Variants in DAB1 observed in about 807,000 individuals in gnomAD.
The protein encoded by DAB1 is DAB adaptor protein 1.
Under a neutral mutation model 64.6 loss-of-function variants are expected in DAB1, and 15 were observed. The observed-to-expected ratio is 0.23, with a 90% CI of 0.16 to 0.36. DAB1 has a LOEUF of 0.36. Ranked by LOEUF, DAB1 falls within the 10% of genes least tolerant of loss-of-function variation. The probability of loss-of-function intolerance (pLI) is 1.00; values close to 1 mark genes in which losing one functional copy is unlikely to be tolerated. For missense variants in DAB1, 596 were observed against 706.7 expected (o/e 0.84, Z 1.78); for synonymous variants, 235 against 251.9 (o/e 0.93, Z 0.64).
At chr1:58,346,917 A>T (rs1351295755) in intron 3 of DAB1, among the ~76,000 whole-genome samples, 3 of 152,228 alleles carry the variant, frequency 2.0e-5, no homozygotes, top group Non-Finnish European at 4.4e-5. Flanking sequence ...TTGCAATTCA[A>T]ACTTGACTCC....
At chr1:58,313,648 T>C (rs1662478818) in intron 4 of DAB1, among the ~76,000 whole-genome samples, 1 of 152,038 alleles carries the variant, frequency 6.6e-6, no homozygotes, top group South Asian at 2.1e-4. Context: ...GGTGTGTCAG[T>C]TGGTTTAGGC....
At chr1:57,895,706 A>G (rs1307399096) in intron 5 of DAB1, among the ~76,000 whole-genome samples, 1 of 152,218 alleles carries the variant, frequency 6.6e-6, no homozygotes, top group Admixed American at 6.5e-5. Flanking sequence ...ATCAGCTAAT[A>G]CTAAATACAG....
intron 2 of DAB1, among the ~76,000 whole-genome samples, chr1:57,260,501 A>C (rs116695539): frequency 0.017 from 2,567 of 152,338 alleles, 38 homozygotes; most frequent in South Asian, 0.024. Context: ...GCCACAAATC[A>C]AACATGAGTC....
chr1:57,126,907 C>A (rs1294279844), intron 4 of DAB1, among the ~76,000 whole-genome samples: 1 of 152,176 alleles, frequency 6.6e-6, no homozygotes, highest in African/African-American at 2.4e-5. Context: ...TTCACTATCT[C>A]TTCTCACTTT....
At chr1:58,249,804 G>T (rs2100401795) in intron 4 of DAB1, among the ~76,000 whole-genome samples, 1 of 152,262 alleles carries the variant, frequency 6.6e-6, no homozygotes, top group South Asian at 2.1e-4. Context: ...TTCCGCTTGG[G>T]GGGTTCCCAG....
intron 3 of DAB1, among the ~76,000 whole-genome samples, chr1:58,403,276 T>A (rs1644588571): frequency 6.8e-6 from 1 of 147,086 alleles, no homozygotes; most frequent in African/African-American, 2.5e-5. Context: ...CTAACCAAAA[T>A]AGTTATCTAT....
chr1:57,137,784 C>T (rs76921276), intron 3 of DAB1, among the ~76,000 whole-genome samples: 1 of 152,228 alleles, frequency 6.6e-6, no homozygotes, highest in Non-Finnish European at 1.5e-5. Flanking sequence ...TTCTCAGCAT[C>T]AGTTTTGGGG....
At chr1:57,835,574 G>A (rs560650861) in intron 1 of DAB1, among the ~76,000 whole-genome samples, 43 of 152,274 alleles carry the variant, frequency 2.8e-4, no homozygotes, top group African/African-American at 1.0e-3. Context: ...TGTTGGGAAA[G>A]CCTGGATATG....
At chr1:58,280,840 G>A (rs112739980) in intron 4 of DAB1, among the ~76,000 whole-genome samples, 14 of 152,190 alleles carry the variant, frequency 9.2e-5, no homozygotes, top group Non-Finnish European at 2.1e-4. Context: ...GCACCATCTA[G>A]TTACAGAAGC....
chr1:58,506,430 TGTCA>T (rs1213263316), intron 2 of DAB1, among the ~76,000 whole-genome samples: 1 of 152,226 alleles, frequency 6.6e-6, no homozygotes, highest in African/African-American at 2.4e-5. Flanking sequence ...AACAACTTTA[TGTCA>T]CTACATGCTT....
intron 7 of DAB1, among the ~76,000 whole-genome samples, chr1:57,475,825 C>T (rs1643928805): frequency 6.6e-6 from 1 of 152,182 alleles, no homozygotes; most frequent in African/African-American, 2.4e-5. Flanking sequence ...GTCTTGTTAT[C>T]TTCATATTCT....
At chr1:57,962,137 G>A (rs527761319) in intron 5 of DAB1, among the ~76,000 whole-genome samples, 1 of 152,110 alleles carries the variant, frequency 6.6e-6, no homozygotes, top group Non-Finnish European at 1.5e-5. Context: ...TGCTTGACTA[G>A]ACTATCTTGA....
chr1:57,210,177 A>C (rs574497191), intron 2 of DAB1, among the ~76,000 whole-genome samples: 15 of 152,322 alleles, frequency 9.8e-5, no homozygotes, highest in African/African-American at 3.6e-4. Flanking sequence ...ACCAGTATTA[A>C]TATTAATAAG....
intron 7 of DAB1, among the ~76,000 whole-genome samples, chr1:57,444,631 T>C (rs988417953): frequency 3.3e-5 from 5 of 152,168 alleles, no homozygotes; most frequent in African/African-American, 1.2e-4. Context: ...ACAAGTGTCC[T>C]TGAAGACACA....
At chr1:58,366,078 C>T (rs1213662) in intron 3 of DAB1, among the ~76,000 whole-genome samples, 5,177 of 152,210 alleles carry the variant, frequency 0.034, 301 homozygotes, top group African/African-American at 0.12. Context: ...ACTGAGCTCC[C>T]AATACAGTAC....
chr1:57,916,427 A>T (rs1374202114), intron 5 of DAB1, among the ~76,000 whole-genome samples: 1 of 152,260 alleles, frequency 6.6e-6, no homozygotes, highest in Non-Finnish European at 1.5e-5. Flanking sequence ...AGAATCAAGG[A>T]TAAGTTTATA....
At chr1:58,081,806 A>T (rs894268010) in intron 5 of DAB1, among the ~76,000 whole-genome samples, 1 of 152,124 alleles carries the variant, frequency 6.6e-6, no homozygotes, top group Non-Finnish European at 1.5e-5. Flanking sequence ...ATAATTCCCC[A>T]TCTCTTTTTT....
intron 1 of DAB1, among the ~76,000 whole-genome samples, chr1:57,419,416 T>C (rs1356406193): frequency 1.3e-5 from 2 of 151,360 alleles, no homozygotes; most frequent in Admixed American, 1.3e-4. Context: ...TAAAATGGCA[T>C]GGAAATTTTA....
At chr1:58,002,489 T>A (rs1646520771) in intron 5 of DAB1, among the ~76,000 whole-genome samples, 1 of 152,218 alleles carries the variant, frequency 6.6e-6, no homozygotes, top group Non-Finnish European at 1.5e-5. Flanking sequence ...CATTCTTTTC[T>A]TTTCTGGACT....
Sources: gnomAD v4.1 joint callset for allele counts (sites outside exome capture counted in the v4.1 genomes callset) on GRCh38, gnomAD v4.1.1 for gene constraint, MANE v1.5 for transcripts, NCBI Gene and HGNC (gene_info 2026-07-23, HGNC 2026-07-21) for gene names.